TMEM44: variants seen among roughly 807,000 people sequenced by gnomAD.
The protein encoded by TMEM44 is transmembrane protein 44.
Under a neutral mutation model 47.8 loss-of-function variants are expected in TMEM44, and 43 were observed. The ratio of observed to expected loss-of-function variants is 0.90; its 90% CI spans 0.70 to 1.16. TMEM44 has a LOEUF of 1.16. TMEM44 is among the 50% of genes most tolerant of loss of function. The probability of loss-of-function intolerance (pLI) is 0.00; values close to 1 mark genes in which losing one functional copy is unlikely to be tolerated. For synonymous variants in TMEM44, 277 were observed against 238.8 expected, an observed-to-expected ratio of 1.16 and a Z score of -1.48; for missense variants, 568 against 555.2, an observed-to-expected ratio of 1.02 and a Z score of -0.23.
chr3:194,627,970 C>T (rs1717351626), intron 2 of TMEM44, among the ~76,000 whole-genome samples: 1 of 152,038 alleles, frequency 6.6e-6, no homozygotes, highest in Admixed American at 6.6e-5. Flanking sequence ...CAGAGTAAGA[C>T]TCTGTCTCAA....
chr3:194,603,825 C>T (rs1714437936), intron 9 of TMEM44, among the ~76,000 whole-genome samples: 1 of 152,132 alleles, frequency 6.6e-6, no homozygotes, highest in Non-Finnish European at 1.5e-5. Context: ...GGTACTGACA[C>T]ACAGGGTAGG....
At chr3:194,609,947 G>A (rs1035718351) in intron 8 of TMEM44, among the ~76,000 whole-genome samples, 17 of 152,070 alleles carry the variant, frequency 1.1e-4, no homozygotes, top group Admixed American at 2.0e-4. Flanking sequence ...TGATAGACAC[G>A]GCCGGACGCA....
intron 7 of TMEM44, among the ~76,000 whole-genome samples, chr3:194,614,734 T>C (rs1278477175): frequency 1.3e-5 from 2 of 152,160 alleles, no homozygotes; most frequent in South Asian, 2.1e-4. Context: ...AAAATGAATA[T>C]ATTAAGGTAT....
rs200926654 is a variant in TMEM44, at chr3:194,623,210, A to C, written c.612+14T>G. On this transcript the variant is annotated intron_variant, in intron 5 of 9. Coordinates refer to ENST00000347147, the MANE Select transcript of TMEM44 (RefSeq NM_001011655.3). ...TCATGTGACCCACAGTCCCATCCCCACCCCCGGCCTCACAATTCTGGAGAG... is the reference window on the plus strand; with the variant it reads ...TCATGTGACCCACAGTCCCATCCCCCCCCCCGGCCTCACAATTCTGGAGAG... 6,492 of 1,594,280 alleles carry C rather than the reference A, an allele frequency of 4.1e-3. 11 individuals carry two copies. Among genetic ancestry groups the C allele is most frequent in the Non-Finnish European group, 4.9e-3 (5,775 of 1,170,290 alleles).
At position 194,605,750 on chromosome 3, in the gene TMEM44, A is replaced by C. The variant is rs529276482; in HGVS notation, c.1018-1305T>G. Among the ~76,000 whole-genome samples the C allele has an allele frequency of 3.3e-5, 5 of 152,332 alleles. No homozygotes were observed. The South Asian group carries it at 1.0e-3, about 32-fold the overall frequency. On this transcript the variant is annotated intron_variant, in intron 8 of 9. Coordinates refer to ENST00000347147, the MANE Select transcript of TMEM44 (RefSeq NM_001011655.3). ...CTAAGAAAGAAAGTTGTCCTCTCTG[A>C]GTCTCAGTTTCCTCATCTATAAAAG...
chr3:194,622,806 C>T (rs765573571), intron 5 of TMEM44: 104 of 163,764 alleles, frequency 6.4e-4, no homozygotes, highest in South Asian at 1.2e-3. Context: ...GCCTCGGCCT[C>T]GCAAAGTGCT....
chr3:194,609,917 GACTCCCATC>G (rs1715138370), intron 8 of TMEM44, among the ~76,000 whole-genome samples: 1 of 152,000 alleles, frequency 6.6e-6, no homozygotes, highest in Admixed American at 6.6e-5. Context: ...CAAGCCTCCT[GACTCCCATC>G]ACTCTCAAGA....
chr3:194,618,947 G>A (rs912738090), intron 5 of TMEM44, among the ~76,000 whole-genome samples: 1 of 152,194 alleles, frequency 6.6e-6, no homozygotes, highest in Non-Finnish European at 1.5e-5. Flanking sequence ...GCCCTGGCCC[G>A]CTGGGCCCAG....
intron 8 of TMEM44, among the ~76,000 whole-genome samples, chr3:194,609,617 C>T (rs1715109238): frequency 6.6e-6 from 1 of 152,114 alleles, no homozygotes; most frequent in Admixed American, 6.6e-5. Context: ...TCCCAATTCT[C>T]TTCCTCCTGA....
chr3:194,591,572 T>A (rs578238361), intron 9 of TMEM44, among the ~76,000 whole-genome samples: 1 of 152,296 alleles, frequency 6.6e-6, no homozygotes, highest in Non-Finnish European at 1.5e-5. Flanking sequence ...AATCTATTTT[T>A]TCTGACTCTC....
intron 9 of TMEM44, chr3:194,592,943 C>A: frequency 2.8e-6 from 4 of 1,416,072 alleles, no homozygotes; most frequent in Non-Finnish European, 4.0e-6. Context: ...AGGAATTTGT[C>A]ATGGGTCTAG....
intron 8 of TMEM44, among the ~76,000 whole-genome samples, chr3:194,609,929 T>C (rs1228689068): frequency 1.3e-5 from 2 of 151,930 alleles, no homozygotes; most frequent in Admixed American, 1.3e-4. Context: ...CTCCCATCAC[T>C]CTCAAGATGA....
intron 7 of TMEM44, among the ~76,000 whole-genome samples, chr3:194,614,138 A>G (rs1215071418): frequency 6.6e-6 from 1 of 152,026 alleles, no homozygotes; most frequent in Non-Finnish European, 1.5e-5. Context: ...AACAAAATAA[A>G]ACAAAACAAA....
Position 194,611,012 on chromosome 3 carries a change from A to G in TMEM44, c.921T>C (p.Asp307=), listed in dbSNP as rs375834895. The G allele has an allele frequency of 8.1e-6, 13 of 1,613,640 alleles. No individual in the cohort carries two copies. In the African/African-American group the frequency reaches 1.6e-4, roughly 20 times the overall value. ...GTGACAGTGTGGTGAGAGGCACCCA[A>G]TCCAAATTCTTGCAAGTAGAGGCAG... is the stretch of plus-strand genomic sequence containing the variant. ...EKEEENQENL[D]WVPLTTLSHC... is the part of the protein sequence containing the mutation. The change falls in exon 8 of 10, where the codon GAT becomes GAC. Residue 307 remains aspartate (D), a synonymous_variant. Transcript: ENST00000347147. This position sits in a 1 kb window ranked among gnomAD's most constrained non-coding sequence, Gnocchi z 4.2.
rs1468459391 is a variant in TMEM44 at position 194,623,239 on chromosome 3, G to A, written c.597C>T (p.Pro199=). 2 of 1,609,846 alleles carry A rather than the reference G, an allele frequency of 1.2e-6. No homozygotes were observed. The highest frequency in any genetic ancestry group is 2.2e-5 in the East Asian group (1 of 44,684). ...AAFGSWASRI[P]PLSRICRGKT... ...CCGGCCTCACAATTCTGGAGAGAGG[G>A]GGGATCCGAGAAGCCCAGGAGCCAA... The change falls in exon 5 of 10, where the codon CCC becomes CCT. Residue 199 remains proline, a synonymous_variant. Coordinates refer to ENST00000347147, the MANE Select transcript of TMEM44 (RefSeq NM_001011655.3).
At chr3:194,602,987 C>G (rs1184381753) in intron 9 of TMEM44, among the ~76,000 whole-genome samples, 1 of 152,182 alleles carries the variant, frequency 6.6e-6, no homozygotes, top group Non-Finnish European at 1.5e-5. Context: ...CATTTAACAC[C>G]AAAACAGTTG....
rs1717414116 is a variant in TMEM44 at position 194,628,469 on chromosome 3, G to A, written c.178C>T (p.Gln60Ter). Residue 60 changes from glutamine (Q) to a stop codon, truncating the protein, a stop_gained, in exon 2 of 10, where the codon CAG becomes TAG. Transcript: ENST00000347147. LOFTEE classifies it high-confidence loss of function. ...CAGCACGCAGCACACAGTGCCGACT[G>A]GTCCTGTCTGGGTTTCTGTGCACAT... ...LRCAQKPRQD[Q>*]SALCAACCLL... The A allele has an allele frequency of 1.9e-6, 3 of 1,613,618 alleles. No individual in the cohort carries two copies. The highest frequency in any genetic ancestry group is 2.5e-6 in the Non-Finnish European group (3 of 1,179,794).
Position 194,607,705 on chromosome 3 carries a change from C to T in TMEM44, c.1017+3211G>A, listed in dbSNP as rs146098944. 2.8e-3 allele frequency among the ~76,000 whole-genome samples: 419 copies of T among 152,224 alleles called. 3 individuals carry two copies. Among genetic ancestry groups the T allele is most frequent in the East Asian group, 0.012 (62 of 5,170 alleles). Reference sequence around the variant, plus strand: ...AGTTAATGTGTGTAAAGCACTTAGACCAGTACTCTGGCCCATAAGTACCAC... The same window carrying T: ...AGTTAATGTGTGTAAAGCACTTAGATCAGTACTCTGGCCCATAAGTACCAC... On this transcript the variant is annotated intron_variant, in intron 8 of 9. Transcript: ENST00000347147.
intron 9 of TMEM44, among the ~76,000 whole-genome samples, chr3:194,599,694 C>T (rs1713852632): frequency 6.7e-6 from 1 of 150,246 alleles, no homozygotes; most frequent in Admixed American, 6.7e-5. Context: ...AAGTGATTCT[C>T]CTGCCTCAGC....
Sources: gnomAD v4.1 joint callset for allele counts (sites outside exome capture counted in the v4.1 genomes callset) on GRCh38, gnomAD v4.1.1 for gene constraint, Gnocchi (gnomAD v3.1) non-coding constraint, MANE v1.5 for transcripts, NCBI Gene and HGNC (gene_info 2026-07-23, HGNC 2026-07-21) for gene names.